CLMN: variants seen among roughly 807,000 people sequenced by gnomAD.
CLMN encodes the protein calmin (calponin-like, transmembrane).
A neutral mutation model predicts 92.7 loss-of-function variants in CLMN; 57 were observed. That is an observed-to-expected ratio of 0.61 (90% CI 0.50 to 0.77). The LOEUF (loss-of-function observed/expected upper bound fraction) is 0.77. CLMN is among the 30% of genes least tolerant of loss of function. The pLI is 0.00. For missense variants in CLMN, 1,158 were observed against 1,237.5 expected (o/e 0.94, Z 0.96); for synonymous variants, 466 against 470.6 (o/e 0.99, Z 0.13).
At chr14:95,224,186 A>G (rs1272004747) in intron 2 of CLMN, among the ~76,000 whole-genome samples, 1 of 152,260 alleles carries the variant, frequency 6.6e-6, no homozygotes, top group Non-Finnish European at 1.5e-5. Flanking sequence ...AAGAAATGGC[A>G]TATCTTGACT....
rs576913577 is a variant in CLMN, at chr14:95,189,241, G to C, written c.*2323C>G. 3 of 152,308 alleles carry C rather than the reference G, an allele frequency of 2.0e-5. No homozygotes were observed. The highest frequency in any genetic ancestry group is 4.8e-5 in the African/African-American group (2 of 41,570). The allele number at this position is 152,308 out of a possible 1,614,324, so 9.4% of individuals were successfully genotyped here. A position where few individuals can be genotyped will look rare whatever the true frequency, so the allele number is the denominator to read the frequency against. On this transcript the variant is annotated 3_prime_UTR_variant, in exon 13 of 13. Transcript: ENST00000298912. ...AGATGTTTCTAAATTAAAAAATAAA[G>C]TGTAAGCACGTTATGTAGAAATGCA... is the stretch of plus-strand genomic sequence containing the variant.
chr14:95,242,250 CTTTTTTT>C (rs371417505), intron 1 of CLMN, among the ~76,000 whole-genome samples: 49 of 92,596 alleles, frequency 5.3e-4, no homozygotes, highest in East Asian at 2.5e-3. Flanking sequence ...TTTTCTTTTT[CTTTTTTT>C]TTTTTTTTTT....
At chr14:95,258,001 G>A (rs1372799470) in intron 1 of CLMN, among the ~76,000 whole-genome samples, 3 of 152,150 alleles carry the variant, frequency 2.0e-5, no homozygotes, top group African/African-American at 7.2e-5. Context: ...AGTGTGTGGT[G>A]TGTGTACATG....
intron 1 of CLMN, among the ~76,000 whole-genome samples, chr14:95,305,849 T>C (rs975789862): frequency 1.3e-5 from 2 of 152,214 alleles, no homozygotes; most frequent in Non-Finnish European, 2.9e-5. Flanking sequence ...CCCTTCTCTG[T>C]AGCTACCCTA....
At position 95,203,367 on chromosome 14, in the gene CLMN, G is replaced by A; in HGVS notation, c.1982C>T (p.Ala661Val). Reference sequence around the variant, plus strand: ...ATGAGGACGGGTGGACTTTCTCTTGGCCTTTTCATGCACCTCTGGCTTTTT... The same window carrying A: ...ATGAGGACGGGTGGACTTTCTCTTGACCTTTTCATGCACCTCTGGCTTTTT... Reference protein sequence around the residue: ...VDKKPEVHEKAKRKSTRPHYE... With the variant: ...VDKKPEVHEKVKRKSTRPHYE... Residue 661 changes from alanine (A) to valine (V), a missense_variant, in exon 9 of 13, where the codon GCC becomes GTC. Ala to Val is a moderately conservative substitution (Grantham distance 64). Transcript: ENST00000298912. The A allele has an allele frequency of 1.2e-6, 2 of 1,614,032 alleles. No individual in the cohort carries two copies. Among genetic ancestry groups the A allele is most frequent in the Non-Finnish European group, 1.7e-6 (2 of 1,179,994 alleles).
At chr14:95,305,930 G>C (rs1901256816) in intron 1 of CLMN, among the ~76,000 whole-genome samples, 1 of 152,210 alleles carries the variant, frequency 6.6e-6, no homozygotes, top group African/African-American at 2.4e-5. Flanking sequence ...CCTGGAATTT[G>C]ATGCCCAGGT....
chr14:95,241,281 G>A (rs1898234433), intron 1 of CLMN, among the ~76,000 whole-genome samples: 1 of 151,998 alleles, frequency 6.6e-6, no homozygotes, highest in Non-Finnish European at 1.5e-5. Flanking sequence ...GGGCCTCCTG[G>A]GGCATGGGAC....
intron 1 of CLMN, among the ~76,000 whole-genome samples, chr14:95,239,301 G>T (rs1357645061): frequency 1.3e-5 from 2 of 152,126 alleles, no homozygotes; most frequent in Non-Finnish European, 2.9e-5. Context: ...TCCTTTGGCA[G>T]GTTTGAGAAG....
chr14:95,302,636 A>AC (rs1901108788), intron 1 of CLMN, among the ~76,000 whole-genome samples: 1 of 152,218 alleles, frequency 6.6e-6, no homozygotes, highest in Non-Finnish European at 1.5e-5. Context: ...AAGGAAAAAA[A>AC]CAAAAGTTGA....
At chr14:95,199,905 T>G (rs1595558333) in intron 9 of CLMN, among the ~76,000 whole-genome samples, 2 of 147,916 alleles carry the variant, frequency 1.4e-5, no homozygotes, top group African/African-American at 2.5e-5. Context: ...CAAAGAGGGG[T>G]GGGTGGCCAG....
chr14:95,196,341 G>A (rs1170396546), intron 10 of CLMN, among the ~76,000 whole-genome samples, 157 bp downstream of exon 10: 4 of 152,190 alleles, frequency 2.6e-5, no homozygotes, highest in East Asian at 3.9e-4. Context: ...GTGGGTCGGG[G>A]AACCCAGGTG....
chr14:95,225,847 G>C (rs1259632384), intron 2 of CLMN, among the ~76,000 whole-genome samples: 1 of 152,212 alleles, frequency 6.6e-6, no homozygotes, highest in Non-Finnish European at 1.5e-5. Flanking sequence ...GACCTGGGAG[G>C]GGTCTGCTGT....
In CLMN at chr14:95,204,391, CAGA is replaced by C. The variant is rs756907942; in HGVS notation, c.955_957del (p.Ser319del). On this transcript the variant is annotated inframe_deletion, in exon 9 of 13. Coordinates refer to ENST00000298912, the MANE Select transcript of CLMN (RefSeq NM_024734.4). ...AGAACGAAGACTTTGCTCTCCTGTT[CAGA>C]AGGAGTTTCTTTGATGCGAACAAAA... 9.9e-6 allele frequency: 16 copies of C among 1,613,534 alleles called. No homozygotes were observed. Among genetic ancestry groups the C allele is most frequent in the Admixed American group, 1.7e-5 (1 of 59,942 alleles).
chr14:95,223,690 T>TGA, intron 3 of CLMN, 70 bp downstream of exon 3: 2 of 1,248,388 alleles, frequency 1.6e-6, no homozygotes, highest in African/African-American at 3.0e-5. Flanking sequence ...GTATTTGTGT[T>TGA]GAAAAGAAAA....
intron 1 of CLMN, among the ~76,000 whole-genome samples, chr14:95,262,377 A>G (rs1899291714): frequency 6.6e-6 from 1 of 152,214 alleles, no homozygotes; most frequent in South Asian, 2.1e-4. Flanking sequence ...GACCTGAAAA[A>G]TAATCTAGAA....
At chr14:95,293,326 T>TTCTTTTCCTCCCTCCC (rs1900668467) in intron 1 of CLMN, among the ~76,000 whole-genome samples, 2 of 47,958 alleles carry the variant, frequency 4.2e-5, no homozygotes, top group African/African-American at 2.0e-4. Context: ...CCCTCCCTCC[T>TTCTTTTCCTCCCTCCC]TCCTTCCTTC....
chr14:95,237,452 G>C (rs918325016), intron 1 of CLMN, among the ~76,000 whole-genome samples: 6 of 152,350 alleles, frequency 3.9e-5, no homozygotes, highest in East Asian at 3.9e-4. Flanking sequence ...GCATGGTCAC[G>C]TGGCAGAGAG....
intron 1 of CLMN, among the ~76,000 whole-genome samples, chr14:95,250,074 C>T (rs1173770240): frequency 6.6e-6 from 1 of 152,200 alleles, no homozygotes; most frequent in Non-Finnish European, 1.5e-5. Flanking sequence ...AGCTGGATTA[C>T]ACAACCGCCA....
At chr14:95,267,772 C>A (rs763008554) in intron 1 of CLMN, among the ~76,000 whole-genome samples, 2 of 152,158 alleles carry the variant, frequency 1.3e-5, no homozygotes, top group Non-Finnish European at 2.9e-5. Flanking sequence ...AATCAACCTA[C>A]GTGCCCATCC....
Sources: allele counts gnomAD v4.1 joint callset (sites outside exome capture counted in the v4.1 genomes callset), GRCh38; gene constraint gnomAD v4.1.1; transcripts MANE v1.5; gene names NCBI Gene and HGNC (gene_info 2026-07-23, HGNC 2026-07-21).